The following TAFA2 variants were observed in gnomAD, a reference collection of about 807,000 sequenced individuals.
The protein encoded by TAFA2 is chemokine-like protein TAFA-2.
TAFA2 carries 7 observed loss-of-function variants against 18.8 expected under a neutral mutation model. The ratio of observed to expected loss-of-function variants is 0.37; its 90% CI spans 0.21 to 0.70. The LOEUF is 0.70. Ranked by LOEUF, TAFA2 falls within the 30% of genes least tolerant of loss-of-function variation. The pLI is 0.53. For missense variants in TAFA2, 122 were observed against 158.1 expected, an observed-to-expected ratio of 0.77 and a Z score of 1.23; for synonymous variants, 60 against 54.2, an observed-to-expected ratio of 1.11 and a Z score of -0.47.
chr12:61,716,331 A>T (rs2120565254), intron 4 of TAFA2, among the ~76,000 whole-genome samples: 1 of 152,320 alleles, frequency 6.6e-6, no homozygotes, highest in South Asian at 2.1e-4. Context: ...ATACATATTT[A>T]GGAAGTTGGC....
chr12:62,185,235 G>A (rs955054513), intron 1 of TAFA2, among the ~76,000 whole-genome samples: 11 of 152,166 alleles, frequency 7.2e-5, no homozygotes, highest in Middle Eastern at 3.2e-3. Context: ...TAAAAATTAG[G>A]TTAAGTTTTT....
intron 1 of TAFA2, among the ~76,000 whole-genome samples, chr12:62,041,347 G>A (rs1361807111): frequency 6.6e-6 from 1 of 152,076 alleles, no homozygotes; most frequent in Admixed American, 6.6e-5. Context: ...TTCTTTGCAT[G>A]GCACTATAAC....
At chr12:61,798,377 T>C (rs1021049455) in intron 2 of TAFA2, among the ~76,000 whole-genome samples, 1 of 152,170 alleles carries the variant, frequency 6.6e-6, no homozygotes, top group Non-Finnish European at 1.5e-5. Flanking sequence ...GTGCAGGACG[T>C]GCAGATTTGT....
In TAFA2 at chr12:61,907,109, G is replaced by C. The variant is rs574454623; in HGVS notation, c.-1-39683C>G. Among the ~76,000 whole-genome samples the C allele has an allele frequency of 1.4e-4, 22 of 152,340 alleles. No individual in the cohort carries two copies. The South Asian group carries it at 4.1e-3, about 29-fold the overall frequency. On this transcript the variant is annotated intron_variant, in intron 1 of 4. Coordinates refer to ENST00000416284, the MANE Select transcript of TAFA2 (RefSeq NM_178539.5). The stretch of plus-strand genomic sequence containing the variant: ...GATAGAAAAGAAAAACCCATTTTCT[G>C]TGGAGAAATTCTAGCTGGCTGAACA...
At chr12:62,089,007 T>C (rs1868592675) in intron 1 of TAFA2, among the ~76,000 whole-genome samples, 1 of 152,086 alleles carries the variant, frequency 6.6e-6, no homozygotes, top group East Asian at 1.9e-4. Context: ...TTTCTTCCTT[T>C]ATCCAAAGAA....
intron 2 of TAFA2, among the ~76,000 whole-genome samples, chr12:61,864,539 C>A (rs139181035): frequency 2.6e-5 from 4 of 150,994 alleles, no homozygotes; most frequent in Non-Finnish European, 5.9e-5. Context: ...TTTGGGAGGC[C>A]GAGGCGGGCG....
At chr12:61,753,206 T>A (rs1869100851) in intron 4 of TAFA2, among the ~76,000 whole-genome samples, 1 of 152,054 alleles carries the variant, frequency 6.6e-6, no homozygotes, top group African/African-American at 2.4e-5. Context: ...TTCATAAAAC[T>A]AAAAGAATCT....
At chr12:61,963,137 TG>T (rs1878948206) in intron 1 of TAFA2, among the ~76,000 whole-genome samples, 1 of 152,042 alleles carries the variant, frequency 6.6e-6, no homozygotes. Context: ...GATGGTCATT[TG>T]GGTTGGTTCC....
intron 1 of TAFA2, among the ~76,000 whole-genome samples, chr12:62,181,211 ACTT>A (rs1436514511): frequency 4.6e-5 from 7 of 152,100 alleles, no homozygotes; most frequent in Non-Finnish European, 1.0e-4. Flanking sequence ...TAGAAATGAC[ACTT>A]CTTCACAGAA....
chr12:61,880,808 T>C (rs1163547388), intron 1 of TAFA2: 5 of 318,184 alleles, frequency 1.6e-5, no homozygotes, highest in Non-Finnish European at 3.1e-5. Flanking sequence ...TACTCCCCCC[T>C]GCAGCTGCCC....
chr12:61,779,390 T>C (rs756626543), intron 2 of TAFA2, among the ~76,000 whole-genome samples: 2 of 151,828 alleles, frequency 1.3e-5, no homozygotes, highest in East Asian at 3.9e-4. Context: ...AGTGACCCTA[T>C]AATTTATCTT....
At position 62,117,432 on chromosome 12, in the gene TAFA2, A is replaced by G. The variant is rs901285139; in HGVS notation, c.-2+73827T>C. ...AAAAAAGTGGTGCATTTTAGGAACT[A>G]TGTTTTAGTAAATTAGATATTTAGA... On this transcript the variant is annotated intron_variant, in intron 1 of 4. Coordinates refer to ENST00000416284, the MANE Select transcript of TAFA2 (RefSeq NM_178539.5). 4.6e-5 allele frequency among the ~76,000 whole-genome samples: 7 copies of G among 152,186 alleles called. No individual in the cohort carries two copies. The South Asian group carries it at 1.4e-3, about 31-fold the overall frequency.
chr12:61,736,428 T>C (rs1487587644), intron 4 of TAFA2, among the ~76,000 whole-genome samples: 2 of 152,062 alleles, frequency 1.3e-5, no homozygotes, highest in Non-Finnish European at 2.9e-5. Flanking sequence ...GATTCAACTT[T>C]ACTGATGAAT....
intron 4 of TAFA2, among the ~76,000 whole-genome samples, chr12:61,752,184 A>G (rs935554766): frequency 2.6e-5 from 4 of 151,962 alleles, no homozygotes; most frequent in African/African-American, 9.7e-5. Context: ...CCACTGGGCT[A>G]TTAGGAAGAT....
chr12:61,878,393 AC>A (rs1874963034), intron 1 of TAFA2, among the ~76,000 whole-genome samples: 1 of 152,206 alleles, frequency 6.6e-6, no homozygotes, highest in South Asian at 2.1e-4. Context: ...CATTGGCTCT[AC>A]CATATAACCT....
chr12:61,809,118 G>C (rs760378825), intron 2 of TAFA2, among the ~76,000 whole-genome samples: 2 of 151,498 alleles, frequency 1.3e-5, no homozygotes, highest in African/African-American at 4.9e-5. Flanking sequence ...GCATGTGCAC[G>C]TGTGTGCATA....
At chr12:62,131,220 A>G (rs904405741) in intron 1 of TAFA2, among the ~76,000 whole-genome samples, 22 of 151,920 alleles carry the variant, frequency 1.4e-4, no homozygotes, top group African/African-American at 5.3e-4. Context: ...TCTGCTAAGT[A>G]ATTATAAAAT....
At chr12:61,971,077 G>C (rs1403389662) in intron 1 of TAFA2, among the ~76,000 whole-genome samples, 1 of 151,622 alleles carries the variant, frequency 6.6e-6, no homozygotes, top group East Asian at 1.9e-4. Context: ...AGCTGGGAGG[G>C]TATGGAAAGC....
chr12:62,051,991 A>C (rs891083707), intron 1 of TAFA2, among the ~76,000 whole-genome samples: 1 of 152,188 alleles, frequency 6.6e-6, no homozygotes, highest in African/African-American at 2.4e-5. Flanking sequence ...ACTAATAAAC[A>C]TGTTATATTT....
Sources: allele counts gnomAD v4.1 joint callset (sites outside exome capture counted in the v4.1 genomes callset), GRCh38; gene constraint gnomAD v4.1.1; transcripts MANE v1.5; gene names NCBI Gene and HGNC (gene_info 2026-07-23, HGNC 2026-07-21).